Variants in ZNF620 observed in about 807,000 individuals in gnomAD.
ZNF620 encodes the protein zinc finger protein 620.
Under a neutral mutation model 13.3 loss-of-function variants are expected in ZNF620, and 10 were observed. The ratio of observed to expected loss-of-function variants is 0.75; its 90% CI spans 0.46 to 1.28. The LOEUF (loss-of-function observed/expected upper bound fraction) is 1.28. Among genes scored for constraint, ZNF620 ranks in the 50% most tolerant of loss-of-function variants. The pLI is 0.00. For missense variants in ZNF620, 461 were observed against 500.2 expected (o/e 0.92, Z 0.75); for synonymous variants, 166 against 177.6 (o/e 0.93, Z 0.52).
chr3:40,507,294 G>A (rs938855210), intron 2 of ZNF620, among the ~76,000 whole-genome samples: 1 of 152,058 alleles, frequency 6.6e-6, no homozygotes, highest in Non-Finnish European at 1.5e-5. Flanking sequence ...GTTTCACCAT[G>A]TTGGCCAGGA....
intron 2 of ZNF620, among the ~76,000 whole-genome samples, chr3:40,506,703 A>G (rs1369405364): frequency 6.6e-6 from 1 of 152,222 alleles, no homozygotes; most frequent in Non-Finnish European, 1.5e-5. Flanking sequence ...TAGCAATTCT[A>G]GTAACTGTTT....
rs778841916 is a variant in ZNF620, at chr3:40,516,690, T to A, written c.1096T>A (p.Cys366Ser). The A allele has an allele frequency of 1.2e-6, 2 of 1,614,060 alleles. No individual in the cohort carries two copies. The highest frequency in any genetic ancestry group is 1.7e-5 in the Admixed American group (1 of 60,004). Reference protein sequence around the residue: ...RIHTGEKPFECKECGKAFNQK... With the variant: ...RIHTGEKPFESKECGKAFNQK... The stretch of plus-strand genomic sequence containing the variant: ...TCACACTGGGGAGAAGCCCTTTGAA[T>A]GTAAGGAGTGTGGGAAGGCATTCAA... The change falls in exon 5 of 5, where the codon TGT becomes AGT. Residue 366 changes from cysteine (C) to serine (S), a missense_variant. By Grantham distance (112) the Cys-to-Ser change is moderately radical. Transcript: ENST00000314529.
At chr3:40,509,841 G>T (rs1051173623) in intron 2 of ZNF620, among the ~76,000 whole-genome samples, 1 of 152,138 alleles carries the variant, frequency 6.6e-6, no homozygotes, top group African/African-American at 2.4e-5. Context: ...AAATTCCTCA[G>T]GGTAGTAGCT....
At position 40,518,302 on chromosome 3, in the gene ZNF620, A is replaced by ACAAAC. The variant is rs1698444803; in HGVS notation, c.*1439_*1440insCAAAC. On this transcript the variant is annotated 3_prime_UTR_variant, in exon 5 of 5. Transcript: ENST00000314529. ...TGAGTCCAGGTGTTTGTCCTTGGTTAAGTTACAAAAACTGCACTAGTTTCC... is the reference window on the plus strand; with the variant it reads ...TGAGTCCAGGTGTTTGTCCTTGGTTACAAACAGTTACAAAAACTGCACTAGTTTCC... The ACAAAC allele has an allele frequency of 1.3e-5, 2 of 152,252 alleles. No homozygotes were observed. Among genetic ancestry groups the ACAAAC allele is most frequent in the Admixed American group, 6.5e-5 (1 of 15,282 alleles). 9.4% of individuals were successfully genotyped at this position (152,252 alleles called of 1,614,324 possible).
Position 40,516,759 on chromosome 3 carries a change from G to A in ZNF620, c.1165G>A (p.Glu389Lys), listed in dbSNP as rs749558728. The A allele has an allele frequency of 3.7e-6, 6 of 1,614,092 alleles. No individual in the cohort carries two copies. Among genetic ancestry groups the A allele is most frequent in the Admixed American group, 3.3e-5 (2 of 60,002 alleles). Residue 389 changes from glutamate to lysine, a missense_variant, in exon 5 of 5, where the codon GAG (glutamate) becomes AAG (lysine). By Grantham distance (56) the Glu-to-Lys change is moderately conservative (BLOSUM62 1). Transcript: ENST00000314529. Reference protein sequence around the residue: ...LIQHQRVHTGEKPYECKVCGK... With the variant: ...LIQHQRVHTGKKPYECKVCGK... ...TCAGCACCAGCGAGTTCACACTGGC[G>A]AGAAACCTTATGAGTGTAAAGTGTG...
At chr3:40,513,317 ATATATATATAT>A (rs376942728) in intron 4 of ZNF620, among the ~76,000 whole-genome samples, 3,499 of 90,352 alleles carry the variant, frequency 0.039, 413 homozygotes, top group African/African-American at 0.14. Context: ...AAAAAAAAAA[ATATATATATAT>A]ATATATATAT....
intron 4 of ZNF620, 109 bp downstream of exon 4, chr3:40,512,624 G>T: frequency 1.3e-6 from 1 of 791,304 alleles, no homozygotes; most frequent in Non-Finnish European, 2.0e-6. Context: ...TTTTGTTCCT[G>T]TGGAATCATT....
At chr3:40,514,242 G>GATGT (rs1011417579) in intron 4 of ZNF620, among the ~76,000 whole-genome samples, 3 of 152,124 alleles carry the variant, frequency 2.0e-5, no homozygotes, top group African/African-American at 4.8e-5. Flanking sequence ...AAGAAATAAT[G>GATGT]ATGTAAGCTG....
At chr3:40,507,703 A>C (rs918763793) in intron 2 of ZNF620, among the ~76,000 whole-genome samples, 1 of 152,224 alleles carries the variant, frequency 6.6e-6, no homozygotes, top group Non-Finnish European at 1.5e-5. Context: ...CAGTGAAGCT[A>C]TCTAGGCATG....
chr3:40,518,029 A>G lies in ZNF620; in HGVS notation c.*1166A>G, dbSNP rs1008654945. ...TGTATATACTCTTTGAGTCAGGTGC[A>G]AGGCACCATTTGTCTTAAATTTATT... On this transcript the variant is annotated 3_prime_UTR_variant, in exon 5 of 5. Transcript: ENST00000314529. 7 of 152,270 alleles carry G rather than the reference A, an allele frequency of 4.6e-5. No individual in the cohort carries two copies. The highest frequency in any genetic ancestry group is 5.9e-5 in the Non-Finnish European group (4 of 68,048). 9.4% of individuals were successfully genotyped at this position (152,270 alleles called of 1,614,324 possible). A position where few individuals can be genotyped will look rare whatever the true frequency, so the allele number is the denominator to read the frequency against.
intron 4 of ZNF620, among the ~76,000 whole-genome samples, chr3:40,513,316 A>ATATATATATAT (rs1553657106): frequency 4.8e-5 from 3 of 62,672 alleles, no homozygotes; most frequent in South Asian, 7.0e-4. Context: ...AAAAAAAAAA[A>ATATATATATAT]ATATATATAT....
chr3:40,508,658 A>G (rs1378173453), intron 2 of ZNF620: 21 of 410,044 alleles, frequency 5.1e-5, no homozygotes, highest in African/African-American at 4.3e-4. Context: ...TTCCTTAGAG[A>G]CAATCTTACT....
rs1181252899 is a variant in ZNF620, at chr3:40,511,505, C to T, written c.60C>T (p.Phe20=). 3 of 1,613,654 alleles carry T rather than the reference C, an allele frequency of 1.9e-6. No individual in the cohort carries two copies. The change falls in exon 3 of 5, where the codon TTC becomes TTT. Residue 20 remains phenylalanine, a synonymous_variant. Coordinates refer to ENST00000314529, the MANE Select transcript of ZNF620 (RefSeq NM_175888.4). ...CCTTTGAGGATGTGGCTGTGTACTT[C>T]ACCCAGAATGAATGGGCCAGCCTGG... ...PVTFEDVAVY[F]TQNEWASLDS... is the part of the protein sequence containing the mutation.
chr3:40,507,463 G>A (rs1196227391), intron 2 of ZNF620, among the ~76,000 whole-genome samples: 2 of 152,068 alleles, frequency 1.3e-5, no homozygotes, highest in Admixed American at 6.6e-5. Flanking sequence ...GGATAAAACC[G>A]ACTTCGTCAT....
At chr3:40,508,832 C>T (rs888487863) in intron 2 of ZNF620, 2 of 455,676 alleles carry the variant, frequency 4.4e-6, no homozygotes, top group African/African-American at 4.0e-5. Context: ...TGCCTAGGCT[C>T]TTCTCAAACT....
In ZNF620 at chr3:40,511,470, GA is replaced by G; in HGVS notation, c.27del (p.Glu9AspfsTer3). 1.2e-6 allele frequency: 2 copies of G among 1,612,864 alleles called. No homozygotes were observed. The highest frequency in any genetic ancestry group is 1.7e-6 in the Non-Finnish European group (2 of 1,179,240). On this transcript the variant is annotated frameshift_variant and splice_region_variant, in exon 3 of 5. Transcript: ENST00000314529. LOFTEE classifies it high-confidence loss of function. ...TTTGAGCAGGAACTTGTTGTTTTAG[GA>G]ACCAGTGACCTTTGAGGATGTGGCT... is the stretch of plus-strand genomic sequence containing the variant. The part of the protein sequence containing the change: MFQTAWRQ[E>X]PVTFEDVAVY...
At chr3:40,513,314 AAAATAT>A (rs1388515599) in intron 4 of ZNF620, among the ~76,000 whole-genome samples, 13 of 67,870 alleles carry the variant, frequency 1.9e-4, no homozygotes, top group Non-Finnish European at 2.9e-4. Flanking sequence ...AAAAAAAAAA[AAAATAT>A]ATATATATAT....
intron 4 of ZNF620, 41 bp from the exon 5 acceptor site, chr3:40,515,819 T>A (rs796561154): frequency 4.0e-4 from 259 of 651,918 alleles, no homozygotes; most frequent in African/African-American, 2.7e-3. Flanking sequence ...TGTGTGTGTG[T>A]GATATCAGGG....
At chr3:40,511,672 GTTTTTTTC>G (rs1420975461) in intron 3 of ZNF620, 76 bp downstream of exon 3, 7 of 1,545,812 alleles carry the variant, frequency 4.5e-6, no homozygotes, top group African/African-American at 1.4e-5. Context: ...ACTTTGTGGG[GTTTTTTTC>G]TTTTTTTCTT....
Sources: gnomAD v4.1 joint callset for allele counts (sites outside exome capture counted in the v4.1 genomes callset) on GRCh38, gnomAD v4.1.1 for gene constraint, MANE v1.5 for transcripts, NCBI Gene and HGNC (gene_info 2026-07-23, HGNC 2026-07-21) for gene names.